The following ZFHX3 variants were observed in gnomAD, a reference collection of about 807,000 sequenced individuals.
The protein encoded by ZFHX3 is zinc finger homeobox protein 3.
In ZFHX3, 42 loss-of-function variants were observed where a neutral mutation model predicts 279.1. That is an observed-to-expected ratio of 0.15 (90% confidence interval 0.12 to 0.19). The LOEUF (loss-of-function observed/expected upper bound fraction) is 0.19, where lower values mean the gene tolerates loss of function less well. Among genes scored for constraint, ZFHX3 ranks in the 10% least tolerant of loss-of-function variants. The probability of loss-of-function intolerance (pLI) is 1.00; values close to 1 mark genes in which losing one functional copy is unlikely to be tolerated. For missense variants in ZFHX3, 4,981 were observed against 4,754.0 expected, an observed-to-expected ratio of 1.05 and a Z score of -1.40; for synonymous variants, 2,293 against 1,957.8, an observed-to-expected ratio of 1.17 and a Z score of -4.52.
At chr16:73,339,061 C>T (rs965093104) in intron 3 of ZFHX3, among the ~76,000 whole-genome samples, 1 of 152,234 alleles carries the variant, frequency 6.6e-6, no homozygotes, top group African/African-American at 2.4e-5. Context: ...GCCTGCAGAA[C>T]TGTGAGCCAA....
In ZFHX3 at chr16:73,335,636, C is replaced by T. The variant is rs566277175; in HGVS notation, c.-1290-17300G>A. On this transcript the variant is annotated intron_variant, in intron 3 of 17. Coordinates refer to the ZFHX3 transcript ENST00000641206. ...CTTTGTTTGGGCTAAATTTCATGTA[C>T]GTAATAATAACGTCCCTGAATGTCC... 4.5e-4 allele frequency among the ~76,000 whole-genome samples: 68 copies of T among 152,178 alleles called. 1 individual carries two copies. The South Asian group carries it at 0.013, about 29-fold the overall frequency.
intron 3 of ZFHX3, among the ~76,000 whole-genome samples, chr16:73,364,252 C>T (rs1229526606): frequency 1.3e-5 from 2 of 151,482 alleles, no homozygotes; most frequent in African/African-American, 4.9e-5. Flanking sequence ...CCGTCTCATC[C>T]TGGTACAGGT....
At chr16:72,990,552 G>A (rs1963042999) in intron 1 of ZFHX3, among the ~76,000 whole-genome samples, 1 of 152,170 alleles carries the variant, frequency 6.6e-6, no homozygotes, top group South Asian at 2.1e-4. Flanking sequence ...TAGCTGCTGA[G>A]CGATCTTAAA....
chr16:73,561,858 C>G (rs911203877), intron 2 of ZFHX3, among the ~76,000 whole-genome samples: 1 of 152,166 alleles, frequency 6.6e-6, no homozygotes, highest in Non-Finnish European at 1.5e-5. Flanking sequence ...CTGTGGGCAT[C>G]AGGATGACTG....
chr16:73,532,939 A>G (rs528372855), intron 2 of ZFHX3, among the ~76,000 whole-genome samples: 1 of 152,280 alleles, frequency 6.6e-6, no homozygotes, highest in Non-Finnish European at 1.5e-5. Flanking sequence ...GCCTTCTGCC[A>G]TGATTTTAAG....
chr16:73,478,838 G>A (rs1421032322), intron 2 of ZFHX3, among the ~76,000 whole-genome samples: 1 of 152,090 alleles, frequency 6.6e-6, no homozygotes, highest in Admixed American at 6.5e-5. Flanking sequence ...GGATCACAAG[G>A]TCAGGAGTTC....
intron 4 of ZFHX3, among the ~76,000 whole-genome samples, chr16:72,858,607 C>G (rs2037809769): frequency 6.6e-6 from 1 of 152,222 alleles, no homozygotes; most frequent in Non-Finnish European, 1.5e-5. Context: ...AAAGAGGACA[C>G]TTTTAATGCT....
At chr16:73,595,991 T>C (rs1185552658) in intron 2 of ZFHX3, among the ~76,000 whole-genome samples, 7 of 119,612 alleles carry the variant, frequency 5.9e-5, no homozygotes, top group Non-Finnish European at 9.1e-5. Context: ...TATTTTATTT[T>C]ATTTTATTTT....
intron 1 of ZFHX3, among the ~76,000 whole-genome samples, chr16:73,756,068 C>CTT (rs150348487): frequency 0.048 from 7,365 of 152,228 alleles, 224 homozygotes; most frequent in South Asian, 0.093. Context: ...CCATGGCTGA[C>CTT]TTTCTTTTGT....
In ZFHX3 at chr16:73,132,507, T is replaced by G. The variant is rs558491901; in HGVS notation, c.-1023-1413A>C. 2.1e-4 allele frequency among the ~76,000 whole-genome samples: 32 copies of G among 152,282 alleles called. 1 individual carries two copies. Among genetic ancestry groups the G allele is most frequent in the Admixed American group, 7.8e-4 (12 of 15,292 alleles). On this transcript the variant is annotated intron_variant, in intron 6 of 17. Transcript: ENST00000641206. ...TAATCAGCTCTCTCTTCTCTGTAGT[T>G]CCACTCCTAGCAATTTGGGGCCAGC...
rs2052145242 is a variant in ZFHX3 at position 73,603,488 on chromosome 16, A to T, written c.-1547+76692T>A. Among the ~76,000 whole-genome samples the T allele has an allele frequency of 2.6e-5, 4 of 152,126 alleles. No homozygotes were observed. In the South Asian group the frequency reaches 8.3e-4, roughly 32 times the overall value. ...AAGATTAAAAATACGAGAATACTGA[A>T]AGTTGGTGAGACGTGCTCCCATAGA... On this transcript the variant is annotated intron_variant, in intron 2 of 17. Coordinates refer to the ZFHX3 transcript ENST00000641206.
intron 7 of ZFHX3, among the ~76,000 whole-genome samples, chr16:73,111,003 T>C (rs6499612): frequency 0.63 from 96,369 of 152,054 alleles, 31,347 homozygotes; most frequent in African/African-American, 0.77. Flanking sequence ...TACAGTGGCA[T>C]GATCTCGGCT....
chr16:73,592,354 G>A (rs2052008302), intron 2 of ZFHX3, among the ~76,000 whole-genome samples: 1 of 152,132 alleles, frequency 6.6e-6, no homozygotes, highest in Non-Finnish European at 1.5e-5. Flanking sequence ...TAATCTATGG[G>A]AGAGAGAAGG....
intron 1 of ZFHX3, among the ~76,000 whole-genome samples, chr16:73,792,309 G>A (rs996028610): frequency 1.5e-4 from 23 of 152,088 alleles, no homozygotes; most frequent in African/African-American, 4.6e-4. Context: ...TTCCAGGGGC[G>A]GCGACCATGT....
intron 5 of ZFHX3, among the ~76,000 whole-genome samples, chr16:73,241,757 T>A (rs1007624378): frequency 1.5e-4 from 19 of 128,540 alleles, no homozygotes; most frequent in Admixed American, 9.7e-4. Flanking sequence ...GCCATTGCAC[T>A]CTAGCTGGGG....
intron 2 of ZFHX3, among the ~76,000 whole-genome samples, chr16:73,566,689 T>G (rs1314310473): frequency 1.6e-5 from 1 of 60,730 alleles, no homozygotes; most frequent in Non-Finnish European, 2.6e-5. Context: ...CCAAGCTAAC[T>G]TTTTTTTTTT....
rs138776979 is a variant in ZFHX3 at position 73,861,325 on chromosome 16, A to G, written c.-1608+30326T>C. On this transcript the variant is annotated intron_variant, in intron 1 of 17. Coordinates refer to the ZFHX3 transcript ENST00000641206. ...CAGAATCAAAATTGTCTGCTTAACCATTGAGATTCTAGGTGATGGTTGCCT... is the reference window on the plus strand; with the variant it reads ...CAGAATCAAAATTGTCTGCTTAACCGTTGAGATTCTAGGTGATGGTTGCCT... Among the ~76,000 whole-genome samples, 35 of 152,264 alleles carry G rather than the reference A, an allele frequency of 2.3e-4. No individual in the cohort carries two copies. The East Asian group carries it at 6.8e-3, about 29-fold the overall frequency.
At chr16:73,289,293 T>A (rs1293019193) in intron 4 of ZFHX3, among the ~76,000 whole-genome samples, 5 of 151,948 alleles carry the variant, frequency 3.3e-5, no homozygotes, top group African/African-American at 4.8e-5. Flanking sequence ...TAACTCATTA[T>A]ATGTGTGTGT....
chr16:72,959,487 G>C lies in ZFHX3; in HGVS notation c.659C>G (p.Ala220Gly), dbSNP rs1463750311. The C allele has an allele frequency of 6.2e-7, 1 of 1,614,154 alleles. No homozygotes were observed. Among genetic ancestry groups the C allele is most frequent in the East Asian group, 2.2e-5 (1 of 44,902 alleles). The change falls in exon 2 of 10, where the codon GCC becomes GGC. Residue 220 changes from alanine to glycine, a missense_variant. This residue lies in a region of ZFHX3 where 1,068 missense variants were observed against 935.2 expected (regional missense o/e 1.14). Transcript: ENST00000268489. ...CAGGACGGGGCTGAGCCCCGCCAGG[G>C]CTGAGGTATTCGGGAAAGCCTGGTC... is the stretch of plus-strand genomic sequence containing the variant. ...GPDQAFPNTS[A>G]LAGLSPVLHS...
Sources: allele counts gnomAD v4.1 joint callset (sites outside exome capture counted in the v4.1 genomes callset), GRCh38; gene constraint gnomAD v4.1.1; regional missense constraint gnomAD v4.1.1; transcripts MANE v1.5; gene names NCBI Gene and HGNC (gene_info 2026-07-23, HGNC 2026-07-21).